TINAG: variants seen among roughly 807,000 people sequenced by gnomAD.
The protein encoded by TINAG is tubulointerstitial nephritis antigen.
In TINAG, 83 loss-of-function variants were observed where a neutral mutation model predicts 72.7. That is an observed-to-expected ratio of 1.14 (90% CI 0.96 to 1.37). The LOEUF (loss-of-function observed/expected upper bound fraction) is 1.37, where lower values mean the gene tolerates loss of function less well. Among genes scored for constraint, TINAG ranks in the 40% most tolerant of loss-of-function variants. The probability of loss-of-function intolerance (pLI) is 0.00; values close to 1 mark genes in which losing one functional copy is unlikely to be tolerated. For missense variants in TINAG, 685 were observed against 576.6 expected (o/e 1.19, Z -1.93); for synonymous variants, 234 against 189.9 (o/e 1.23, Z -1.91).
At chr6:54,355,003 A>G (rs1449711295) in intron 9 of TINAG, among the ~76,000 whole-genome samples, 1 of 151,976 alleles carries the variant, frequency 6.6e-6, no homozygotes, top group African/African-American at 2.4e-5. Flanking sequence ...TGCAAATAGC[A>G]AAGATTAAGC....
chr6:54,373,893 C>G lies in TINAG; in HGVS notation c.1251-6633C>G, dbSNP rs141375790. ...AAGTTTCTCTTCATAAGATATTACC[C>G]TAGTCAATTGTCATTGATCATGATA... On this transcript the variant is annotated intron_variant, in intron 9 of 10. Transcript: ENST00000259782. 5.6e-3 allele frequency among the ~76,000 whole-genome samples: 858 copies of G among 152,176 alleles called. 11 individuals carry two copies. The highest frequency in any genetic ancestry group is 0.02 in the African/African-American group (815 of 41,540).
chr6:54,387,852 T>C (rs1379897273), intron 10 of TINAG, among the ~76,000 whole-genome samples: 1 of 151,968 alleles, frequency 6.6e-6, no homozygotes, highest in Non-Finnish European at 1.5e-5. Context: ...ATAGAAGAAA[T>C]GAGAGTAGGA....
chr6:54,315,513 A>G (rs2150931046), intron 1 of TINAG, among the ~76,000 whole-genome samples: 1 of 151,836 alleles, frequency 6.6e-6, no homozygotes, highest in East Asian at 1.9e-4. Flanking sequence ...ACCAACAACA[A>G]TAAAAAAAAT....
intron 7 of TINAG, among the ~76,000 whole-genome samples, chr6:54,350,770 C>A (rs975225080): frequency 1.3e-5 from 2 of 150,940 alleles, no homozygotes; most frequent in Non-Finnish European, 2.9e-5. Flanking sequence ...TAACACTTTG[C>A]GCTTGTCTCT....
intron 9 of TINAG, among the ~76,000 whole-genome samples, chr6:54,375,072 G>T (rs1471904359): frequency 6.6e-6 from 1 of 151,972 alleles, no homozygotes; most frequent in Non-Finnish European, 1.5e-5. Flanking sequence ...CTGCTACAGT[G>T]TAATATACCT....
At chr6:54,350,770 C>T (rs975225080) in intron 7 of TINAG, among the ~76,000 whole-genome samples, 2 of 150,940 alleles carry the variant, frequency 1.3e-5, no homozygotes, top group East Asian at 2.0e-4. Flanking sequence ...TAACACTTTG[C>T]GCTTGTCTCT....
chr6:54,330,917 A>T (rs1784723839), intron 4 of TINAG, among the ~76,000 whole-genome samples: 1 of 152,184 alleles, frequency 6.6e-6, no homozygotes, highest in African/African-American at 2.4e-5. Context: ...AAGAATTTGA[A>T]TCCCTGCACA....
At chr6:54,385,148 A>C (rs1267110533) in intron 10 of TINAG, among the ~76,000 whole-genome samples, 1 of 152,094 alleles carries the variant, frequency 6.6e-6, no homozygotes, top group Admixed American at 6.6e-5. Flanking sequence ...AATGAAAGAA[A>C]TAATAAACAG....
chr6:54,365,007 T>C (rs1047003566), intron 9 of TINAG, among the ~76,000 whole-genome samples: 5 of 151,564 alleles, frequency 3.3e-5, no homozygotes, highest in Admixed American at 6.6e-5. Flanking sequence ...ATCTTTTCTT[T>C]TTCCTCTGTC....
chr6:54,364,743 G>A (rs1344158548), intron 9 of TINAG, among the ~76,000 whole-genome samples: 1 of 151,306 alleles, frequency 6.6e-6, no homozygotes, highest in East Asian at 1.9e-4. Flanking sequence ...ACCATACTTT[G>A]TAGTCATAAA....
At chr6:54,325,370 AT>A (rs1278838078) in intron 3 of TINAG, among the ~76,000 whole-genome samples, 3 of 152,200 alleles carry the variant, frequency 2.0e-5, no homozygotes, top group Non-Finnish European at 4.4e-5. Flanking sequence ...AGTTCAATAA[AT>A]GCTAAATTGG....
At chr6:54,346,385 A>G (rs1466561823) in intron 5 of TINAG, among the ~76,000 whole-genome samples, 2 of 152,016 alleles carry the variant, frequency 1.3e-5, no homozygotes, top group African/African-American at 4.8e-5. Context: ...ATAACAAAAG[A>G]ATAGAAGTTT....
chr6:54,348,938 G>T (rs994764864), intron 6 of TINAG, among the ~76,000 whole-genome samples: 1 of 151,872 alleles, frequency 6.6e-6, no homozygotes, highest in African/African-American at 2.4e-5. Flanking sequence ...TACTTCTATG[G>T]CCATTTCAGC....
intron 10 of TINAG, among the ~76,000 whole-genome samples, chr6:54,386,752 A>C (rs1347960646): frequency 6.6e-6 from 1 of 152,050 alleles, no homozygotes; most frequent in Admixed American, 6.6e-5. Context: ...TCACTTCCTC[A>C]CTAAATACAG....
At chr6:54,327,223 A>G (rs1468111818) in intron 4 of TINAG, 11 of 1,502,798 alleles carry the variant, frequency 7.3e-6, no homozygotes, top group Non-Finnish European at 7.1e-6. Context: ...TAGAAGGTGG[A>G]TGATTTCTGC....
chr6:54,352,623 C>T (rs960991990), intron 8 of TINAG, among the ~76,000 whole-genome samples: 2 of 151,718 alleles, frequency 1.3e-5, no homozygotes, highest in Non-Finnish European at 2.9e-5. Context: ...CAAGGTTACA[C>T]TAAAATATCC....
intron 10 of TINAG, among the ~76,000 whole-genome samples, chr6:54,386,781 G>C (rs556113509): frequency 3.3e-5 from 5 of 151,626 alleles, no homozygotes; most frequent in African/African-American, 1.2e-4. Context: ...AATTTGAGAT[G>C]GAGCAGAGAC....
chr6:54,367,751 C>G (rs1763477244), intron 9 of TINAG, among the ~76,000 whole-genome samples: 2 of 151,746 alleles, frequency 1.3e-5, no homozygotes, highest in Admixed American at 6.6e-5. Context: ...TGTCTTAGTT[C>G]CTTCAGACTG....
At chr6:54,354,878 C>T (rs185710880) in intron 9 of TINAG, among the ~76,000 whole-genome samples, 29 of 151,876 alleles carry the variant, frequency 1.9e-4, no homozygotes, top group African/African-American at 6.7e-4. Context: ...CTTAAGAATC[C>T]GTTCTAAGGG....
Sources: gnomAD v4.1 joint callset for allele counts (sites outside exome capture counted in the v4.1 genomes callset) on GRCh38, gnomAD v4.1.1 for gene constraint, MANE v1.5 for transcripts, NCBI Gene and HGNC (gene_info 2026-07-23, HGNC 2026-07-21) for gene names.